The following ZNF367 variants were observed in gnomAD, a reference collection of about 807,000 sequenced individuals.
ZNF367 encodes the protein zinc finger protein 367.
Under a neutral mutation model 31.8 loss-of-function variants are expected in ZNF367, and 11 were observed. That is an observed-to-expected ratio of 0.35 (90% CI 0.22 to 0.57). The LOEUF (loss-of-function observed/expected upper bound fraction) is 0.57. Ranked by LOEUF, ZNF367 falls within the 20% of genes least tolerant of loss-of-function variation. ZNF367 has a pLI of 0.85. For synonymous variants in ZNF367, 199 were observed against 202.4 expected (o/e 0.98, Z 0.14); for missense variants, 353 against 484.1 (o/e 0.73, Z 2.54).
intron 1 of ZNF367, among the ~76,000 whole-genome samples, chr9:96,405,538 T>A (rs141694255): frequency 9.2e-5 from 14 of 152,094 alleles, no homozygotes; most frequent in Non-Finnish European, 1.5e-4. Flanking sequence ...TGTGGAAAAG[T>A]TTGATAGTTT....
chr9:96,412,862 A>AT (rs944116874), intron 1 of ZNF367, among the ~76,000 whole-genome samples: 56 of 151,670 alleles, frequency 3.7e-4, no homozygotes, highest in Non-Finnish European at 6.3e-4. Flanking sequence ...TGCCCAGCTA[A>AT]TTTTTTTGTA....
In ZNF367 at chr9:96,418,190, A is replaced by G. The variant is rs1364937322; in HGVS notation, c.-158T>C. On this transcript the variant is annotated 5_prime_UTR_variant, in exon 1 of 5. Transcript: ENST00000375256. ...TGCGCAGCAGCCACCTAACTAGTTGAGCAGACGGCACCGGCGGGCAGGGCT... is the reference window on the plus strand; with the variant it reads ...TGCGCAGCAGCCACCTAACTAGTTGGGCAGACGGCACCGGCGGGCAGGGCT... 6 of 1,128,936 alleles carry G rather than the reference A, an allele frequency of 5.3e-6. No individual in the cohort carries two copies. In the African/African-American group the frequency reaches 6.4e-5, roughly 12 times the overall value. The allele number at this position is 1,128,936 out of a possible 1,614,324, so 69.9% of individuals were successfully genotyped here. A position where few individuals can be genotyped will look rare whatever the true frequency, so the allele number is the denominator to read the frequency against.
chr9:96,418,134 G>T lies in ZNF367; in HGVS notation c.-102C>A. 7.9e-7 allele frequency: 1 copy of T among 1,265,612 alleles called. No homozygotes were observed. The highest frequency in any genetic ancestry group is 3.2e-5 in the East Asian group (1 of 31,674). The allele number at this position is 1,265,612 out of a possible 1,614,324, so 78.4% of individuals were successfully genotyped here. On this transcript the variant is annotated 5_prime_UTR_variant, in exon 1 of 5. Coordinates refer to ENST00000375256, the MANE Select transcript of ZNF367 (RefSeq NM_153695.4). ...CCGAGTCGCAGGCTCAGTCCTGCCG[G>T]CTCATGGCAGACTGACGTTTCCCGG...
intron 2 of ZNF367, among the ~76,000 whole-genome samples, 184 bp downstream of exon 2, chr9:96,397,980 C>A (rs1363454264): frequency 6.6e-6 from 1 of 150,856 alleles, no homozygotes; most frequent in Non-Finnish European, 1.5e-5. Context: ...ATCCCAGCTA[C>A]TCAGGAGGCT....
chr9:96,416,276 C>T (rs1831829803), intron 1 of ZNF367, among the ~76,000 whole-genome samples: 1 of 151,852 alleles, frequency 6.6e-6, no homozygotes, highest in Admixed American at 6.6e-5. Context: ...TGAGTAAAGA[C>T]GGGGTTTCAC....
chr9:96,395,142 A>G lies in ZNF367; in HGVS notation c.572-200T>C, dbSNP rs184564472. The stretch of plus-strand genomic sequence containing the variant: ...GACTATCTGCTGGGGAACACAATCT[A>G]TTCTTTAGGCCTTGAGGTTATCATC... On this transcript the variant is annotated intron_variant, in intron 2 of 4. Coordinates refer to ENST00000375256, the MANE Select transcript of ZNF367 (RefSeq NM_153695.4). 2.6e-5 allele frequency among the ~76,000 whole-genome samples: 4 copies of G among 151,940 alleles called. No homozygotes were observed. The South Asian group carries it at 8.3e-4, about 31-fold the overall frequency.
chr9:96,401,755 G>A (rs1273420234), intron 1 of ZNF367, among the ~76,000 whole-genome samples: 3 of 151,344 alleles, frequency 2.0e-5, no homozygotes, highest in Admixed American at 6.6e-5. Flanking sequence ...TTGAACCTGG[G>A]AGATGGAGTT....
At chr9:96,413,714 C>T (rs1655041884) in intron 1 of ZNF367, among the ~76,000 whole-genome samples, 1 of 152,152 alleles carries the variant, frequency 6.6e-6, no homozygotes. Flanking sequence ...CAGTGCTAAG[C>T]ACTCGTGTGA....
At chr9:96,410,049 G>A (rs1193828135) in intron 1 of ZNF367, among the ~76,000 whole-genome samples, 1 of 152,054 alleles carries the variant, frequency 6.6e-6, no homozygotes, top group Non-Finnish European at 1.5e-5. Flanking sequence ...GTCGAGGTGG[G>A]TGGATCACGA....
At chr9:96,416,744 A>T (rs972580243) in intron 1 of ZNF367, among the ~76,000 whole-genome samples, 1 of 152,202 alleles carries the variant, frequency 6.6e-6, no homozygotes, top group Non-Finnish European at 1.5e-5. Flanking sequence ...ACCTTTATTG[A>T]GCATTTACAG....
At chr9:96,414,841 C>A (rs192751532) in intron 1 of ZNF367, among the ~76,000 whole-genome samples, 1 of 152,230 alleles carries the variant, frequency 6.6e-6, no homozygotes, top group Non-Finnish European at 1.5e-5. Context: ...AAACAACATA[C>A]CTATAGATTT....
intron 1 of ZNF367, among the ~76,000 whole-genome samples, chr9:96,413,342 G>C (rs1831776371): frequency 6.6e-6 from 1 of 152,150 alleles, no homozygotes. Flanking sequence ...CATGATGTTA[G>C]GTTTAACATG....
chr9:96,409,744 T>C (rs1208586753), intron 1 of ZNF367, among the ~76,000 whole-genome samples: 1 of 152,222 alleles, frequency 6.6e-6, no homozygotes, highest in Non-Finnish European at 1.5e-5. Context: ...ATAGCTCAAG[T>C]CTTGCTTGCT....
intron 1 of ZNF367, among the ~76,000 whole-genome samples, chr9:96,408,201 T>C (rs1381878305): frequency 2.0e-5 from 3 of 151,832 alleles, no homozygotes; most frequent in African/African-American, 4.8e-5. Context: ...CCCTAGAACT[T>C]AAAGTATAAT....
At chr9:96,397,457 C>G (rs563512302) in intron 2 of ZNF367, among the ~76,000 whole-genome samples, 114 of 152,292 alleles carry the variant, frequency 7.5e-4, no homozygotes, top group African/African-American at 2.6e-3. Context: ...CCTGATAGCA[C>G]AGTGAGGACT....
chr9:96,394,906 C>T lies in ZNF367; in HGVS notation c.608G>A (p.Gly203Glu). 1 of 1,614,056 alleles carries T rather than the reference C, an allele frequency of 6.2e-7. No individual in the cohort carries two copies. Among genetic ancestry groups the T allele is most frequent in the Non-Finnish European group, 8.5e-7 (1 of 1,179,974 alleles). Residue 203 changes from glycine (G) to glutamate (E), a missense_variant, in exon 3 of 5, where the codon GGA (glycine) becomes GAA (glutamate). Gly to Glu is a moderately conservative substitution (Grantham distance 98). Around this residue, in one of 5 missense-constraint regions of ZNF367, gnomAD observed 57 missense variants for 141.9 expected, o/e 0.40. Transcript: ENST00000375256. ...CTGTCCACTTTGAACAAAGGCTTTT[C>T]CACAGTCTGGATAGTCACACAGATA... ...RPYLCDYPDC[G>E]KAFVQSGQLK...
At chr9:96,394,777 T>G (rs1750579313) in intron 3 of ZNF367, 46 bp downstream of exon 3, 1 of 1,556,426 alleles carries the variant, frequency 6.4e-7, no homozygotes, top group African/African-American at 1.4e-5. Context: ...TTTTAACTGT[T>G]AAGTCACAAC....
At chr9:96,409,574 T>A (rs1587748431) in intron 1 of ZNF367, among the ~76,000 whole-genome samples, 1 of 152,234 alleles carries the variant, frequency 6.6e-6, no homozygotes, top group Non-Finnish European at 1.5e-5. Context: ...ACTTAATTAC[T>A]CAAGAAATTC....
At chr9:96,416,216 A>G (rs1831829165) in intron 1 of ZNF367, among the ~76,000 whole-genome samples, 1 of 151,020 alleles carries the variant, frequency 6.6e-6, no homozygotes, top group African/African-American at 2.4e-5. Context: ...CCTCCCGAGT[A>G]GCTGGGACTA....
Sources: gnomAD v4.1 joint callset for allele counts (sites outside exome capture counted in the v4.1 genomes callset) on GRCh38, gnomAD v4.1.1 for gene constraint, gnomAD v4.1.1 regional missense constraint, MANE v1.5 for transcripts, NCBI Gene and HGNC (gene_info 2026-07-23, HGNC 2026-07-21) for gene names.